PIP4K2A: variants seen among roughly 807,000 people sequenced by gnomAD.
PIP4K2A encodes the protein phosphatidylinositol 5-phosphate 4-kinase type-2 alpha.
A neutral mutation model predicts 42.9 loss-of-function variants in PIP4K2A; 14 were observed. That is an observed-to-expected ratio of 0.33 (90% CI 0.22 to 0.51). The LOEUF is 0.51. Among genes scored for constraint, PIP4K2A ranks in the 20% least tolerant of loss-of-function variants. The probability of loss-of-function intolerance (pLI) is 0.97; values close to 1 mark genes in which losing one functional copy is unlikely to be tolerated. For missense variants in PIP4K2A, 434 were observed against 519.8 expected (o/e 0.83, Z 1.61); for synonymous variants, 192 against 192.2 (o/e 1.00, Z 0.01).
At chr10:22,606,349 C>A (rs1837906779) in intron 3 of PIP4K2A, among the ~76,000 whole-genome samples, 1 of 152,068 alleles carries the variant, frequency 6.6e-6, no homozygotes, top group African/African-American at 2.4e-5. Context: ...AGTGTTGGCT[C>A]CCACGCAGTT....
intron 1 of PIP4K2A, among the ~76,000 whole-genome samples, chr10:22,631,867 G>A (rs1295044819): frequency 6.6e-6 from 1 of 152,154 alleles, no homozygotes; most frequent in Non-Finnish European, 1.5e-5. Context: ...GGAAACAACA[G>A]TGACTTAACA....
At chr10:22,540,949 GCAAAACAGAA>G (rs902277388) in intron 8 of PIP4K2A, among the ~76,000 whole-genome samples, 3 of 152,114 alleles carry the variant, frequency 2.0e-5, no homozygotes, top group Non-Finnish European at 2.9e-5. Context: ...ATTTTGGTGA[GCAAAACAGAA>G]CAAAACAGAA....
chr10:22,658,445 G>A (rs190084964), intron 1 of PIP4K2A, among the ~76,000 whole-genome samples: 3 of 152,322 alleles, frequency 2.0e-5, no homozygotes, highest in African/African-American at 4.8e-5. Flanking sequence ...GTAAGAATCT[G>A]AGAACTTAAA....
intron 1 of PIP4K2A, among the ~76,000 whole-genome samples, chr10:22,681,126 C>A (rs80310057): frequency 1.3e-5 from 2 of 152,208 alleles, no homozygotes; most frequent in East Asian, 3.8e-4. Flanking sequence ...CTTGTCATTT[C>A]TTCTCAAATG....
intron 1 of PIP4K2A, among the ~76,000 whole-genome samples, chr10:22,672,080 T>G (rs981732675): frequency 3.3e-5 from 5 of 152,314 alleles, no homozygotes; most frequent in Non-Finnish European, 7.4e-5. Context: ...GAAGCACTGG[T>G]TCTTCCTCCA....
chr10:22,633,831 G>A (rs1196172958), intron 1 of PIP4K2A, among the ~76,000 whole-genome samples: 1 of 152,180 alleles, frequency 6.6e-6, no homozygotes, highest in Non-Finnish European at 1.5e-5. Context: ...CAAGCGGGAG[G>A]CCAAGCAAGC....
intron 3 of PIP4K2A, among the ~76,000 whole-genome samples, chr10:22,593,347 G>GA (rs35283574): frequency 2.8e-4 from 41 of 146,414 alleles, no homozygotes; most frequent in South Asian, 2.8e-3. Flanking sequence ...TTGAGAGAAG[G>GA]AAAAAAAAAA....
chr10:22,714,212 T>A lies in PIP4K2A; in HGVS notation c.115A>T (p.Ser39Cys), dbSNP rs1833967690. 6.2e-7 allele frequency: 1 copy of A among 1,611,580 alleles called. No individual in the cohort carries two copies. Among genetic ancestry groups the A allele is most frequent in the Non-Finnish European group, 8.5e-7 (1 of 1,178,740 alleles). Residue 39 changes from serine to cysteine, a missense_variant, in exon 1 of 10, where the codon AGC becomes TGC. Around this residue, in one of 2 missense-constraint regions of PIP4K2A, gnomAD observed 395 missense variants for 444.5 expected, o/e 0.89. Transcript: ENST00000376573. ...TGGTTTACCCCCCACATGAGGACGC[T>A]GAGCAGCGGGTCGCTGGCCCGAAAC... ...KLFRASDPLL[S>C]VLMWGVNHSI... is the part of the protein sequence containing the mutation.
chr10:22,627,934 A>G (rs1838479627), intron 1 of PIP4K2A, among the ~76,000 whole-genome samples: 1 of 152,226 alleles, frequency 6.6e-6, no homozygotes, highest in Non-Finnish European at 1.5e-5. Context: ...TATTACAGCT[A>G]CCTTAAGGGT....
At chr10:22,663,333 C>T (rs117621955) in intron 1 of PIP4K2A, among the ~76,000 whole-genome samples, 1,537 of 152,214 alleles carry the variant, frequency 0.01, 16 homozygotes, top group Non-Finnish European at 0.016. Flanking sequence ...ACAATTAGAG[C>T]CTAATAAATG....
At chr10:22,584,748 G>A (rs1249570814) in intron 4 of PIP4K2A, among the ~76,000 whole-genome samples, 4 of 152,204 alleles carry the variant, frequency 2.6e-5, no homozygotes, top group Admixed American at 1.3e-4. Context: ...AGACGTGTCC[G>A]CAGTTTACAA....
intron 1 of PIP4K2A, among the ~76,000 whole-genome samples, chr10:22,711,467 T>G (rs1833909597): frequency 6.6e-6 from 1 of 152,238 alleles, no homozygotes; most frequent in African/African-American, 2.4e-5. Flanking sequence ...TATAGTATTC[T>G]ACAAATCCTA....
chr10:22,676,742 G>A (rs1386592353), intron 1 of PIP4K2A, among the ~76,000 whole-genome samples: 1 of 152,170 alleles, frequency 6.6e-6, no homozygotes, highest in Non-Finnish European at 1.5e-5. Context: ...TGGGTGCTGA[G>A]GATACAGAGC....
At chr10:22,593,623 C>T (rs184291335) in intron 3 of PIP4K2A, among the ~76,000 whole-genome samples, 20 of 152,286 alleles carry the variant, frequency 1.3e-4, no homozygotes, top group African/African-American at 4.6e-4. Context: ...TGCTAGCCCC[C>T]AAAAAGCAAT....
At chr10:22,653,221 T>C (rs956270871) in intron 1 of PIP4K2A, among the ~76,000 whole-genome samples, 1 of 151,902 alleles carries the variant, frequency 6.6e-6, no homozygotes. Context: ...GAAGAAGATA[T>C]GGAAAAGGTG....
intron 4 of PIP4K2A, among the ~76,000 whole-genome samples, chr10:22,578,643 C>T (rs142882997): frequency 1.3e-5 from 2 of 149,196 alleles, no homozygotes; most frequent in Admixed American, 6.7e-5. Flanking sequence ...TGATCCACAC[C>T]GTTTGTTTAC....
intron 1 of PIP4K2A, among the ~76,000 whole-genome samples, chr10:22,643,689 A>G (rs573715066): frequency 6.6e-6 from 1 of 152,196 alleles, no homozygotes; most frequent in South Asian, 2.1e-4. Flanking sequence ...CCAAATTCTG[A>G]TTGTCCCCAA....
At chr10:22,633,240 A>G (rs1296700661) in intron 1 of PIP4K2A, among the ~76,000 whole-genome samples, 2 of 152,228 alleles carry the variant, frequency 1.3e-5, no homozygotes, top group African/African-American at 4.8e-5. Context: ...CTCTTGTTTT[A>G]TAAACACATA....
chr10:22,622,734 C>T (rs1428538360), intron 1 of PIP4K2A, among the ~76,000 whole-genome samples: 4 of 152,268 alleles, frequency 2.6e-5, no homozygotes, highest in Non-Finnish European at 4.4e-5. Context: ...AACAAACCAC[C>T]GGACATGGGA....
Sources: gnomAD v4.1 joint callset for allele counts (sites outside exome capture counted in the v4.1 genomes callset) on GRCh38, gnomAD v4.1.1 for gene constraint, gnomAD v4.1.1 regional missense constraint, MANE v1.5 for transcripts, NCBI Gene and HGNC (gene_info 2026-07-23, HGNC 2026-07-21) for gene names.